Variants in TGM7 observed in about 807,000 individuals in gnomAD.
TGM7 encodes the protein transglutaminase 7, also known as protein-glutamine gamma-glutamyltransferase Z.
Under a neutral mutation model 79.5 loss-of-function variants are expected in TGM7, and 74 were observed. The ratio of observed to expected loss-of-function variants is 0.93; its 90% CI spans 0.77 to 1.13. The LOEUF (loss-of-function observed/expected upper bound fraction) is 1.13. Among genes scored for constraint, TGM7 ranks in the 50% most tolerant of loss-of-function variants. TGM7 has a pLI of 0.00. For synonymous variants in TGM7, 354 were observed against 362.5 expected (o/e 0.98, Z 0.27); for missense variants, 912 against 905.9 (o/e 1.01, Z -0.09).
intron 1 of TGM7, among the ~76,000 whole-genome samples, chr15:43,297,584 G>A (rs1336982842): frequency 3.2e-5 from 1 of 31,166 alleles, no homozygotes; most frequent in Non-Finnish European, 8.3e-5. Flanking sequence ...CCATCTGCAT[G>A]TATAGAAAGA....
chr15:43,301,043 G>A (rs910458156), intron 1 of TGM7, among the ~76,000 whole-genome samples: 2 of 151,982 alleles, frequency 1.3e-5, no homozygotes, highest in Non-Finnish European at 2.9e-5. Flanking sequence ...GTGCAGTGGC[G>A]CAATCTCAGC....
chr15:43,295,563 C>G (rs1007197712), intron 1 of TGM7, among the ~76,000 whole-genome samples: 2 of 152,156 alleles, frequency 1.3e-5, no homozygotes, highest in Admixed American at 6.5e-5. Flanking sequence ...GCACTCCAGC[C>G]TGGGTGACAG....
chr15:43,278,757 G>A (rs2042890434), intron 11 of TGM7, among the ~76,000 whole-genome samples: 1 of 152,224 alleles, frequency 6.6e-6, no homozygotes, highest in Admixed American at 6.5e-5. Flanking sequence ...CTTAGCCAGT[G>A]GTCATCGTTT....
At chr15:43,299,190 G>A (rs1277505845) in intron 1 of TGM7, among the ~76,000 whole-genome samples, 1 of 152,190 alleles carries the variant, frequency 6.6e-6, no homozygotes, top group Non-Finnish European at 1.5e-5. Flanking sequence ...TGAGGGGAAA[G>A]TGCTACTTTG....
chr15:43,281,127 T>C (rs1403193173), intron 9 of TGM7, among the ~76,000 whole-genome samples: 1 of 152,274 alleles, frequency 6.6e-6, no homozygotes, highest in Non-Finnish European at 1.5e-5. Flanking sequence ...CCACAGGCAC[T>C]GTTCCCAGTG....
intron 4 of TGM7, among the ~76,000 whole-genome samples, chr15:43,291,381 G>T (rs1207848087): frequency 6.6e-6 from 1 of 152,204 alleles, no homozygotes; most frequent in Non-Finnish European, 1.5e-5. Flanking sequence ...ATTTGCATGT[G>T]TTGAAGCAGG....
intron 7 of TGM7, among the ~76,000 whole-genome samples, chr15:43,283,395 C>T (rs1262572366): frequency 1.3e-5 from 2 of 152,180 alleles, no homozygotes; most frequent in Non-Finnish European, 2.9e-5. Flanking sequence ...AGAATGTTGT[C>T]TCCTTTGATC....
Position 43,287,664 on chromosome 15 carries a change from T to C in TGM7, c.564A>G (p.Glu188=), listed in dbSNP as rs747776973. The change falls in exon 5 of 13, where the codon GAA becomes GAG. Residue 188 remains glutamate, a synonymous_variant. Coordinates refer to ENST00000452443, the MANE Select transcript of TGM7 (RefSeq NM_052955.3). ...CAAAGCAGATGTCTATGATGTCCTC[T>C]TCAAACTTCCAAGTGATTTTAAGGG... ...TSWPWNYGQF[E]EDIIDICFEI... The C allele has an allele frequency of 1.2e-6, 2 of 1,607,258 alleles. No homozygotes were observed. The highest frequency in any genetic ancestry group is 1.7e-6 in the Non-Finnish European group (2 of 1,178,358).
chr15:43,292,413 C>G (rs2042968044), intron 3 of TGM7, among the ~76,000 whole-genome samples: 1 of 152,224 alleles, frequency 6.6e-6, no homozygotes, highest in Non-Finnish European at 1.5e-5. Context: ...CTCACTCCCA[C>G]TACTCAGAGA....
At chr15:43,281,267 T>C (rs2042907147) in intron 9 of TGM7, among the ~76,000 whole-genome samples, 1 of 152,230 alleles carries the variant, frequency 6.6e-6, no homozygotes, top group Non-Finnish European at 1.5e-5. Context: ...GGCAGAGCCC[T>C]GTTCAGTACT....
intron 6 of TGM7, among the ~76,000 whole-genome samples, chr15:43,286,024 A>C (rs1470976445): frequency 6.6e-6 from 1 of 152,126 alleles, no homozygotes; most frequent in Non-Finnish European, 1.5e-5. Flanking sequence ...GTGCCTACTG[A>C]GGCTGCCAGG....
intron 1 of TGM7, among the ~76,000 whole-genome samples, chr15:43,296,507 G>A (rs1354592658): frequency 1.3e-5 from 2 of 151,826 alleles, no homozygotes; most frequent in African/African-American, 4.8e-5. Flanking sequence ...GTTCCTAAGG[G>A]GCCTAAAGTT....
chr15:43,289,007 C>T (rs944844337), intron 4 of TGM7, among the ~76,000 whole-genome samples: 2 of 150,840 alleles, frequency 1.3e-5, no homozygotes, highest in Non-Finnish European at 2.9e-5. Context: ...CAAGCTTTTT[C>T]TGTAAAAAAC....
At chr15:43,289,109 C>T (rs1012808306) in intron 4 of TGM7, among the ~76,000 whole-genome samples, 11 of 151,588 alleles carry the variant, frequency 7.3e-5, no homozygotes, top group African/African-American at 1.9e-4. Flanking sequence ...ACGTGCACAA[C>T]GTGCAGGTTA....
chr15:43,279,683 A>AC lies in TGM7; in HGVS notation c.1619dup (p.Gly541TrpfsTer51), dbSNP rs2042896621. Reference sequence around the variant, plus strand: ...GCCTCCAGAAGGGCTTCTGGGTACCACCCCCATGCAGCAGGGCCTGTGCAC... The same window carrying AC: ...GCCTCCAGAAGGGCTTCTGGGTACCACCCCCCATGCAGCAGGGCCTGTGCAC... On this transcript the variant is annotated frameshift_variant, in exon 10 of 13. Transcript: ENST00000452443. LOFTEE classifies it high-confidence loss of function. The AC allele has an allele frequency of 6.2e-7, 1 of 1,612,532 alleles. No individual in the cohort carries two copies. The highest frequency in any genetic ancestry group is 1.7e-5 in the Admixed American group (1 of 59,790).
chr15:43,293,948 G>A lies in TGM7; in HGVS notation c.11-317C>T, dbSNP rs963437744. On this transcript the variant is annotated intron_variant, in intron 1 of 12. Transcript: ENST00000452443. ...GGGTGTGCGGGGGGATCGGCATGGG[G>A]AAGTGTTGATACTGGTGAATTCCAT... Among the ~76,000 whole-genome samples the A allele has an allele frequency of 1.3e-5, 2 of 149,480 alleles. 1 individual carries two copies. Among genetic ancestry groups the A allele is most frequent in the South Asian group, 4.3e-4 (2 of 4,672 alleles).
intron 11 of TGM7, 147 bp downstream of exon 11, chr15:43,278,970 G>A: frequency 1.3e-6 from 1 of 771,776 alleles, no homozygotes; most frequent in Non-Finnish European, 1.9e-6. Flanking sequence ...ACCCCACGCT[G>A]GTACAGAGCA....
At chr15:43,291,450 C>G (rs2042963115) in intron 4 of TGM7, among the ~76,000 whole-genome samples, 2 of 152,246 alleles carry the variant, frequency 1.3e-5, no homozygotes, top group African/African-American at 4.8e-5. Flanking sequence ...CAGACTACAT[C>G]TAAATGAATG....
chr15:43,279,980 G>A (rs773350213), intron 9 of TGM7, 29 bp from the exon 10 acceptor site: 3 of 1,598,026 alleles, frequency 1.9e-6, no homozygotes, highest in East Asian at 2.2e-5. Flanking sequence ...GGAGAGACAT[G>A]CATGGGGAGG....
Sources: gnomAD v4.1 joint callset for allele counts (sites outside exome capture counted in the v4.1 genomes callset) on GRCh38, gnomAD v4.1.1 for gene constraint, MANE v1.5 for transcripts, NCBI Gene and HGNC (gene_info 2026-07-23, HGNC 2026-07-21) for gene names.